The following CADM2 variants were observed in gnomAD, a reference collection of about 807,000 sequenced individuals.
CADM2 encodes the protein cell adhesion molecule 2.
Under a neutral mutation model 49.8 loss-of-function variants are expected in CADM2, and 12 were observed. The ratio of observed to expected loss-of-function variants is 0.24; its 90% CI spans 0.15 to 0.39. The LOEUF is 0.39. Among genes scored for constraint, CADM2 ranks in the 10% least tolerant of loss-of-function variants. The pLI, the probability that CADM2 is intolerant of heterozygous loss-of-function variation, is 1.00. For missense variants in CADM2, 378 were observed against 492.3 expected (o/e 0.77, Z 2.20); for synonymous variants, 214 against 175.4 (o/e 1.22, Z -1.74).
At chr3:85,041,531 AC>A (rs1199746268) in intron 1 of CADM2, among the ~76,000 whole-genome samples, 1 of 152,150 alleles carries the variant, frequency 6.6e-6, no homozygotes, top group East Asian at 1.9e-4. Flanking sequence ...AAATCGTATG[AC>A]TTTTCCACCT....
At chr3:85,649,697 G>A (rs145592725) in intron 1 of CADM2, among the ~76,000 whole-genome samples, 127 of 152,288 alleles carry the variant, frequency 8.3e-4, no homozygotes, top group African/African-American at 2.8e-3. Flanking sequence ...AAAGGAGACC[G>A]TGATTCTGCA....
intron 1 of CADM2, among the ~76,000 whole-genome samples, chr3:85,226,271 A>G (rs1402713022): frequency 6.8e-6 from 1 of 146,068 alleles, no homozygotes; most frequent in Non-Finnish European, 1.5e-5. Context: ...TTTGATTGGT[A>G]TGCTGTTAAT....
intron 2 of CADM2, among the ~76,000 whole-genome samples, chr3:85,766,606 A>G (rs1328973561): frequency 6.6e-6 from 1 of 152,206 alleles, no homozygotes; most frequent in Non-Finnish European, 1.5e-5. Context: ...TGATGCTGGA[A>G]TTTTGCTCTT....
At chr3:85,513,435 T>C (rs1213661416) in intron 1 of CADM2, among the ~76,000 whole-genome samples, 3 of 152,002 alleles carry the variant, frequency 2.0e-5, no homozygotes, top group African/African-American at 7.2e-5. Flanking sequence ...TACTTTTTTT[T>C]GATGATTATA....
At chr3:85,173,812 A>G (rs1468935713) in intron 1 of CADM2, among the ~76,000 whole-genome samples, 1 of 152,138 alleles carries the variant, frequency 6.6e-6, no homozygotes, top group African/African-American at 2.4e-5. Flanking sequence ...TGTATGTAGT[A>G]TCCATACCTA....
intron 1 of CADM2, among the ~76,000 whole-genome samples, chr3:85,115,051 C>A (rs2038593606): frequency 6.6e-6 from 1 of 152,128 alleles, no homozygotes; most frequent in Non-Finnish European, 1.5e-5. Flanking sequence ...TCATTTATAT[C>A]TACCTGGAAT....
At chr3:85,249,824 G>A (rs2042734084) in intron 1 of CADM2, among the ~76,000 whole-genome samples, 1 of 151,706 alleles carries the variant, frequency 6.6e-6, no homozygotes, top group East Asian at 1.9e-4. Flanking sequence ...ATTATTAATG[G>A]ATTAACCAGA....
At chr3:85,365,182 G>GTT (rs757075256) in intron 1 of CADM2, among the ~76,000 whole-genome samples, 40 of 100,444 alleles carry the variant, frequency 4.0e-4, no homozygotes, top group South Asian at 1.1e-3. Context: ...AATTGGGAGG[G>GTT]TTTTTTTTTT....
intron 1 of CADM2, among the ~76,000 whole-genome samples, chr3:85,603,519 T>C (rs1198037205): frequency 6.6e-6 from 1 of 151,934 alleles, no homozygotes; most frequent in Non-Finnish European, 1.5e-5. Context: ...CCTCAGGAAC[T>C]TGCTTGCTGT....
At chr3:85,124,158 T>C (rs1466231182) in intron 1 of CADM2, among the ~76,000 whole-genome samples, 1 of 152,214 alleles carries the variant, frequency 6.6e-6, no homozygotes, top group Non-Finnish European at 1.5e-5. Context: ...GGCACAATAT[T>C]CCTTGATAAT....
chr3:85,627,165 C>G (rs1294387666), intron 1 of CADM2, among the ~76,000 whole-genome samples: 2 of 151,738 alleles, frequency 1.3e-5, no homozygotes, highest in Non-Finnish European at 2.9e-5. Context: ...CTGATACTTA[C>G]AGTCAACATT....
At chr3:85,686,126 A>G in intron 1 of CADM2, among the ~76,000 whole-genome samples, 1 of 152,344 alleles carries the variant, frequency 6.6e-6, no homozygotes, top group East Asian at 1.9e-4. Flanking sequence ...TTATAGCCCA[A>G]GTGCTAGCTG....
At chr3:85,438,253 A>T (rs1257347995) in intron 1 of CADM2, among the ~76,000 whole-genome samples, 1 of 152,074 alleles carries the variant, frequency 6.6e-6, no homozygotes, top group South Asian at 2.1e-4. Context: ...AAGACATTCA[A>T]TTGGTTTCCA....
At chr3:85,996,096 A>T (rs556802610) in intron 8 of CADM2, among the ~76,000 whole-genome samples, 15 of 150,698 alleles carry the variant, frequency 1.0e-4, no homozygotes, top group East Asian at 9.7e-4. Context: ...CCTAAAAAAA[A>T]AAAATAAAAA....
At chr3:84,990,830 T>G (rs1463440418) in intron 1 of CADM2, among the ~76,000 whole-genome samples, 2 of 152,136 alleles carry the variant, frequency 1.3e-5, no homozygotes, top group Non-Finnish European at 2.9e-5. Flanking sequence ...TTATTAATTC[T>G]TATTCCTATT....
At chr3:85,553,692 A>T (rs1036378372) in intron 1 of CADM2, among the ~76,000 whole-genome samples, 3 of 152,210 alleles carry the variant, frequency 2.0e-5, no homozygotes, top group Non-Finnish European at 4.4e-5. Flanking sequence ...CTGATTCAGG[A>T]AGTCTTGTGT....
chr3:85,813,022 G>A (rs760407092), intron 3 of CADM2, among the ~76,000 whole-genome samples: 11 of 152,136 alleles, frequency 7.2e-5, no homozygotes, highest in Non-Finnish European at 1.0e-4. Context: ...GTGTGCATGT[G>A]TCTTTATAGT....
intron 1 of CADM2, among the ~76,000 whole-genome samples, chr3:85,198,466 TG>T (rs137902597): frequency 0.047 from 7,112 of 151,462 alleles, 229 homozygotes; most frequent in East Asian, 0.14. Flanking sequence ...GTTAATAGCA[TG>T]TTTTTTTTTT....
intron 8 of CADM2, among the ~76,000 whole-genome samples, chr3:86,026,453 G>A (rs1395304537): frequency 2.0e-5 from 3 of 151,446 alleles, no homozygotes; most frequent in Admixed American, 6.6e-5. Context: ...TTGTAGCATT[G>A]GTAGATGAAA....
Sources: gnomAD v4.1 joint callset for allele counts (sites outside exome capture counted in the v4.1 genomes callset) on GRCh38, gnomAD v4.1.1 for gene constraint, MANE v1.5 for transcripts, NCBI Gene and HGNC (gene_info 2026-07-23, HGNC 2026-07-21) for gene names.